Variants in NECAB1 observed in about 807,000 individuals in gnomAD.
NECAB1 encodes N-terminal EF-hand calcium binding protein 1.
A neutral mutation model predicts 57.5 loss-of-function variants in NECAB1; 29 were observed. The observed-to-expected ratio is 0.50, with a 90% confidence interval of 0.38 to 0.69. The LOEUF is 0.69. Ranked by LOEUF, NECAB1 falls within the 30% of genes least tolerant of loss-of-function variation. The probability of loss-of-function intolerance (pLI) is 0.00; values close to 1 mark genes in which losing one functional copy is unlikely to be tolerated. For missense variants in NECAB1, 372 were observed against 413.8 expected (o/e 0.90, Z 0.88); for synonymous variants, 142 against 147.7 (o/e 0.96, Z 0.28).
rs753703919 is a variant in NECAB1 at position 90,957,500 on chromosome 8, TAAC to T, written c.*1991_*1993del. 8.6e-5 allele frequency: 13 copies of T among 151,666 alleles called. No individual in the cohort carries two copies. Among genetic ancestry groups the T allele is most frequent in the Non-Finnish European group, 1.9e-4 (13 of 67,778 alleles). The allele number at this position is 151,666 out of a possible 1,614,324, so 9.4% of individuals were successfully genotyped here. A position where few individuals can be genotyped will look rare whatever the true frequency, so the allele number is the denominator to read the frequency against. The stretch of plus-strand genomic sequence containing the variant: ...TTAGAATGACTTGAGAACGGGCAAA[TAAC>T]AAAGCAAACCAATATAATTATATGG... On this transcript the variant is annotated 3_prime_UTR_variant, in exon 13 of 13. Coordinates refer to ENST00000417640, the MANE Select transcript of NECAB1 (RefSeq NM_022351.5).
At chr8:90,847,046 T>C (rs1812579798) in intron 3 of NECAB1, among the ~76,000 whole-genome samples, 1 of 152,180 alleles carries the variant, frequency 6.6e-6, no homozygotes, top group Non-Finnish European at 1.5e-5. Context: ...CTCATTCCAG[T>C]ATTAATTCAA....
In NECAB1 at chr8:90,917,968, GTGTGTGTGTA is replaced by G. The variant is rs1217645901; in HGVS notation, c.494+342_494+351del. On this transcript the variant is annotated intron_variant, in intron 6 of 12. Transcript: ENST00000417640. ...TATATATATACACACACACATATGT[GTGTGTGTGTA>G]TATATATACATATATGTGTGTGTGT... is the stretch of plus-strand genomic sequence containing the variant. Among the ~76,000 whole-genome samples the G allele has an allele frequency of 4.6e-5, 3 of 65,772 alleles. 1 individual carries two copies. Among genetic ancestry groups the G allele is most frequent in the African/African-American group, 2.7e-4 (3 of 11,002 alleles). 43.1% of individuals were successfully genotyped at this position (65,772 alleles called of 152,430 possible).
In NECAB1 at chr8:90,921,379, A is replaced by G. The variant is rs1033292482; in HGVS notation, c.494+3751A>G. ...GATGCCCTTCACAGTCAAGAGTTGC[A>G]ACCTGCAGGTCAGGCATGGTGGCTC... On this transcript the variant is annotated intron_variant, in intron 6 of 12. Transcript: ENST00000417640. Among the ~76,000 whole-genome samples, 10 of 152,252 alleles carry G rather than the reference A, an allele frequency of 6.6e-5. No homozygotes were observed. The East Asian group carries it at 1.2e-3, about 18-fold the overall frequency.
chr8:90,924,637 T>C (rs1810214637), intron 6 of NECAB1, among the ~76,000 whole-genome samples: 1 of 152,192 alleles, frequency 6.6e-6, no homozygotes, highest in African/African-American at 2.4e-5. Flanking sequence ...TATAATAAAC[T>C]ATTGCCAAGT....
intron 6 of NECAB1, among the ~76,000 whole-genome samples, chr8:90,919,186 TTC>T (rs1563534052): frequency 6.6e-6 from 1 of 152,186 alleles, no homozygotes; most frequent in Non-Finnish European, 1.5e-5. Context: ...GTTGATATTT[TTC>T]TGAGTTGTCA....
intron 7 of NECAB1, among the ~76,000 whole-genome samples, chr8:90,926,620 AG>A (rs1485416942): frequency 6.6e-6 from 1 of 152,202 alleles, no homozygotes; most frequent in Non-Finnish European, 1.5e-5. Flanking sequence ...ATGTGGTTCC[AG>A]GCTGTATGTA....
chr8:90,864,594 A>C (rs566407977), intron 3 of NECAB1, among the ~76,000 whole-genome samples: 3 of 152,206 alleles, frequency 2.0e-5, no homozygotes, highest in African/African-American at 7.2e-5. Context: ...GACTTGCATA[A>C]GTGGAGACTC....
intron 5 of NECAB1, 101 bp from the exon 6 acceptor site, chr8:90,917,391 G>A (rs1809979411): frequency 9.8e-7 from 1 of 1,020,492 alleles, no homozygotes; most frequent in East Asian, 2.7e-5. Context: ...CTCTCTCTAG[G>A]ATCAATCTGG....
At chr8:90,874,460 A>G (rs1472899275) in intron 4 of NECAB1, among the ~76,000 whole-genome samples, 1 of 152,236 alleles carries the variant, frequency 6.6e-6, no homozygotes, top group Non-Finnish European at 1.5e-5. Flanking sequence ...GTAGGCGTAT[A>G]AGCTAACATG....
At chr8:90,927,685 G>A (rs936123146) in intron 7 of NECAB1, among the ~76,000 whole-genome samples, 4 of 149,730 alleles carry the variant, frequency 2.7e-5, no homozygotes, top group African/African-American at 9.9e-5. Context: ...TTATATATAT[G>A]AATATAGATC....
At chr8:90,841,449 T>C (rs1373149789) in intron 3 of NECAB1, among the ~76,000 whole-genome samples, 1 of 152,210 alleles carries the variant, frequency 6.6e-6, no homozygotes, top group Non-Finnish European at 1.5e-5. Context: ...GATGCAATAG[T>C]ACCTTGTAAA....
In NECAB1 at chr8:90,917,605, T is replaced by C. The variant is rs777602692; in HGVS notation, c.471T>C (p.Thr157=). The change falls in exon 6 of 13, where the codon ACT becomes ACC. Residue 157 remains threonine (T), a synonymous_variant. Coordinates refer to ENST00000417640, the MANE Select transcript of NECAB1 (RefSeq NM_022351.5). The stretch of plus-strand genomic sequence containing the variant: ...CCCTGGAATGTGCCATGGAAACTAC[T>C]GAGGAGCAAACCCGTCAAGAAAGGC... ...QNSLECAMET[T]EEQTRQERQG... The C allele has an allele frequency of 1.2e-6, 2 of 1,610,774 alleles. No individual in the cohort carries two copies. Among genetic ancestry groups the C allele is most frequent in the South Asian group, 2.2e-5 (2 of 90,632 alleles).
rs1369004599 is a variant in NECAB1, at chr8:90,916,346, TGAG to T, written c.358-1145_358-1143del. Among the ~76,000 whole-genome samples, 3 of 152,172 alleles carry T rather than the reference TGAG, an allele frequency of 2.0e-5. No individual in the cohort carries two copies. The East Asian group carries it at 5.8e-4, about 29-fold the overall frequency. ...AGTTGATAGAAGCACAGAATATTTTTGAGTTGGAATGTATGCCAGAGTTACTTA... is the reference window on the plus strand; with the variant it reads ...AGTTGATAGAAGCACAGAATATTTTTTTGGAATGTATGCCAGAGTTACTTA... On this transcript the variant is annotated intron_variant, in intron 5 of 12. Transcript: ENST00000417640.
At chr8:90,843,423 T>C (rs1024692117) in intron 3 of NECAB1, among the ~76,000 whole-genome samples, 1 of 152,198 alleles carries the variant, frequency 6.6e-6, no homozygotes, top group Non-Finnish European at 1.5e-5. Flanking sequence ...TTTTTATGCT[T>C]TCTCCTTCTG....
intron 8 of NECAB1, among the ~76,000 whole-genome samples, chr8:90,932,035 C>T (rs958213542): frequency 1.1e-4 from 17 of 152,262 alleles, no homozygotes; most frequent in Non-Finnish European, 2.2e-4. Context: ...AGTGTATCAT[C>T]AGATCACAGG....
intron 3 of NECAB1, among the ~76,000 whole-genome samples, chr8:90,856,317 C>CT (rs1563507072): frequency 1.3e-5 from 2 of 151,840 alleles, no homozygotes; most frequent in African/African-American, 2.4e-5. Flanking sequence ...AAGAATTTTT[C>CT]TTTTTTTAAA....
chr8:90,893,445 A>G (rs1430170578), intron 5 of NECAB1, among the ~76,000 whole-genome samples: 1 of 152,168 alleles, frequency 6.6e-6, no homozygotes, highest in Non-Finnish European at 1.5e-5. Flanking sequence ...GATGTGATGA[A>G]GATCACTGAT....
At chr8:90,863,450 C>T (rs1808447736) in intron 3 of NECAB1, among the ~76,000 whole-genome samples, 1 of 152,038 alleles carries the variant, frequency 6.6e-6, no homozygotes, top group Non-Finnish European at 1.5e-5. Context: ...TTCAATTTTT[C>T]AAAAGATTAA....
rs189677593 is a variant in NECAB1 at position 90,886,387 on chromosome 8, G to A, written c.357+5257G>A. ...AAATACTTATAATGTACTCAGTTTT[G>A]TGTCAGAGCTCACTATTCTGTTCCC... On this transcript the variant is annotated intron_variant, in intron 5 of 12. Coordinates refer to ENST00000417640, the MANE Select transcript of NECAB1 (RefSeq NM_022351.5). Among the ~76,000 whole-genome samples, 954 of 151,892 alleles carry A rather than the reference G, an allele frequency of 6.3e-3. 5 individuals are homozygous for A. The highest frequency in any genetic ancestry group is 0.014 in the Middle Eastern group (4 of 294).
Sources: allele counts gnomAD v4.1 joint callset (sites outside exome capture counted in the v4.1 genomes callset), GRCh38; gene constraint gnomAD v4.1.1; transcripts MANE v1.5; gene names NCBI Gene and HGNC (gene_info 2026-07-23, HGNC 2026-07-21).